The following PSMA5 variants were observed in gnomAD, a reference collection of about 807,000 sequenced individuals.
PSMA5 encodes proteasome subunit alpha type-5.
Under a neutral mutation model 34.5 loss-of-function variants are expected in PSMA5, and 3 were observed. The observed-to-expected ratio is 0.09, with a 90% CI of 0.04 to 0.22. PSMA5 has a LOEUF of 0.22. Among genes scored for constraint, PSMA5 ranks in the 10% least tolerant of loss-of-function variants. The pLI is 1.00. For missense variants in PSMA5, 120 were observed against 286.1 expected (o/e 0.42, Z 4.19); for synonymous variants, 88 against 95.8 (o/e 0.92, Z 0.47).
chr1:109,417,475 G>A (rs547423366), intron 2 of PSMA5, among the ~76,000 whole-genome samples: 49 of 152,266 alleles, frequency 3.2e-4, no homozygotes, highest in African/African-American at 1.1e-3. Context: ...ACAGATTCCC[G>A]GATCCCCTCC....
rs1253350531 is a variant in PSMA5, at chr1:109,426,246, AGGT to A, written c.29+53_29+55del. 5 of 1,603,864 alleles carry A rather than the reference AGGT, an allele frequency of 3.1e-6. No homozygotes were observed. In the African/African-American group the frequency reaches 6.7e-5, roughly 21 times the overall value. ...ACGGCAGAACCCAGGCCGCGCGGCC[AGGT>A]CCCGGGCCTGCCCACCCATAATTCC... On this transcript the variant is annotated intron_variant, in intron 1 of 8. Coordinates refer to ENST00000271308, the MANE Select transcript of PSMA5 (RefSeq NM_002790.4).
intron 2 of PSMA5, among the ~76,000 whole-genome samples, chr1:109,417,301 G>T (rs1054681070): frequency 1.3e-5 from 2 of 152,180 alleles, no homozygotes; most frequent in Non-Finnish European, 2.9e-5. Flanking sequence ...AGATAGGTTA[G>T]TGATACCTGG....
chr1:109,418,612 C>A (rs1260665312), intron 2 of PSMA5, among the ~76,000 whole-genome samples: 1 of 152,074 alleles, frequency 6.6e-6, no homozygotes, highest in African/African-American at 2.4e-5. Context: ...CCTTGCCCAG[C>A]CTAATTTTTT....
At chr1:109,416,219 T>C (rs1247269709) in intron 2 of PSMA5, among the ~76,000 whole-genome samples, 2 of 152,212 alleles carry the variant, frequency 1.3e-5, no homozygotes, top group African/African-American at 2.4e-5. Flanking sequence ...ATAACCTGAC[T>C]GATCTAATAA....
chr1:109,421,850 G>GCTA lies in PSMA5; in HGVS notation c.96+7_96+9dup, dbSNP rs1401791645. ...TGAAATTTCAGGACCTATGCTACTTGCTACTATACCTTGATAGCCTCAATG... is the reference window on the plus strand; with the variant it reads ...TGAAATTTCAGGACCTATGCTACTTGCTACTACTATACCTTGATAGCCTCAATG... On this transcript the variant is annotated intron_variant, in intron 2 of 8. Transcript: ENST00000271308. 1 of 1,554,438 alleles carries GCTA rather than the reference G, an allele frequency of 6.4e-7. No homozygotes were observed. Among genetic ancestry groups the GCTA allele is most frequent in the Non-Finnish European group, 8.6e-7 (1 of 1,156,780 alleles).
intron 7 of PSMA5, among the ~76,000 whole-genome samples, chr1:109,410,438 T>C (rs1221155373): frequency 6.6e-6 from 1 of 152,210 alleles, no homozygotes; most frequent in Non-Finnish European, 1.5e-5. Flanking sequence ...CTTCCACATG[T>C]AAAAGCAATA....
At chr1:109,406,737 G>C (rs1008957168) in intron 8 of PSMA5, among the ~76,000 whole-genome samples, 11 of 152,120 alleles carry the variant, frequency 7.2e-5, no homozygotes, top group African/African-American at 2.7e-4. Flanking sequence ...ACAAAAAGTA[G>C]ATCAATGTGG....
intron 8 of PSMA5, 63 bp from the exon 9 acceptor site, chr1:109,402,153 G>A: frequency 8.2e-7 from 1 of 1,225,490 alleles, no homozygotes; most frequent in Middle Eastern, 1.9e-4. Flanking sequence ...GCCCTACCAT[G>A]GTCAGGAGAA....
intron 7 of PSMA5, among the ~76,000 whole-genome samples, chr1:109,410,533 C>T (rs753653129): frequency 2.0e-5 from 3 of 152,192 alleles, no homozygotes; most frequent in Non-Finnish European, 4.4e-5. Context: ...ATGAGTTACC[C>T]AAAACCAAAT....
intron 8 of PSMA5, among the ~76,000 whole-genome samples, chr1:109,408,346 T>C (rs1653865256): frequency 6.6e-6 from 1 of 152,230 alleles, no homozygotes; most frequent in Non-Finnish European, 1.5e-5. Flanking sequence ...CTGGAATACC[T>C]TTCTGCTCCC....
At position 109,426,339 on chromosome 1, in the gene PSMA5, T is replaced by C. The variant is rs1571037548; in HGVS notation, c.-9A>G. ...GACCGGGTAAGAAACATGGCGAGGGTAGGAGGAGGCAGCGGCTACGCGGGG... is the reference window on the plus strand; with the variant it reads ...GACCGGGTAAGAAACATGGCGAGGGCAGGAGGAGGCAGCGGCTACGCGGGG... On this transcript the variant is annotated 5_prime_UTR_variant, in exon 1 of 9. Coordinates refer to ENST00000271308, the MANE Select transcript of PSMA5 (RefSeq NM_002790.4). The C allele has an allele frequency of 1.9e-6, 3 of 1,601,448 alleles. No individual in the cohort carries two copies. Among genetic ancestry groups the C allele is most frequent in the Middle Eastern group, 1.7e-4 (1 of 6,018 alleles).
rs140060350 is a variant in PSMA5, at chr1:109,408,154, T to A, written c.648+1774A>T. On this transcript the variant is annotated intron_variant, in intron 8 of 8. Transcript: ENST00000271308. ...CATTACTTCCTTTGCTCCTGTCTAC[T>A]CTTAGCATACTAAAAAAGGACATTC... Among the ~76,000 whole-genome samples the A allele has an allele frequency of 3.7e-4, 56 of 152,322 alleles. 1 individual carries two copies. In the East Asian group the frequency reaches 7.7e-3, roughly 21 times the overall value.
chr1:109,421,635 A>C (rs1394482141), intron 2 of PSMA5, among the ~76,000 whole-genome samples: 1 of 152,174 alleles, frequency 6.6e-6, no homozygotes, highest in Non-Finnish European at 1.5e-5. Context: ...CCCACTGAGA[A>C]AAAGCTATTT....
intron 3 of PSMA5, 151 bp downstream of exon 3, chr1:109,415,086 A>C: frequency 1.1e-6 from 1 of 908,294 alleles, no homozygotes; most frequent in South Asian, 2.6e-5. Flanking sequence ...ACAGCCTCCT[A>C]CTCCTACATT....
intron 2 of PSMA5, among the ~76,000 whole-genome samples, chr1:109,416,155 GA>G (rs1436613630): frequency 6.6e-6 from 1 of 152,140 alleles, no homozygotes; most frequent in Non-Finnish European, 1.5e-5. Flanking sequence ...TCCATGCCTA[GA>G]TACTTCAATA....
At chr1:109,423,891 C>T (rs1654543247) in intron 1 of PSMA5, among the ~76,000 whole-genome samples, 3 of 152,214 alleles carry the variant, frequency 2.0e-5, no homozygotes, top group Admixed American at 2.0e-4. Context: ...TATTATTTAA[C>T]AGCACACAGT....
chr1:109,400,553 T>C lies in PSMA5; in HGVS notation c.*1460A>G, dbSNP rs1557836182. ...AACAAATCTCCCCATCAACATGCTA[T>C]ACTTAATAAGTGTTAAAATCACTAG... On this transcript the variant is annotated 3_prime_UTR_variant, in exon 9 of 9. Transcript: ENST00000271308. 1 of 152,378 alleles carries C rather than the reference T, an allele frequency of 6.6e-6. No individual in the cohort carries two copies. Among genetic ancestry groups the C allele is most frequent in the South Asian group, 2.1e-4 (1 of 4,834 alleles). 9.4% of individuals were successfully genotyped at this position (152,378 alleles called of 1,614,324 possible). A position where few individuals can be genotyped will look rare whatever the true frequency, so the allele number is the denominator to read the frequency against.
chr1:109,406,573 C>T (rs1426207733), intron 8 of PSMA5, among the ~76,000 whole-genome samples: 2 of 152,094 alleles, frequency 1.3e-5, no homozygotes, highest in East Asian at 3.8e-4. Flanking sequence ...GTGTGTGCAC[C>T]TGTAGTCCCA....
intron 1 of PSMA5, among the ~76,000 whole-genome samples, chr1:109,424,400 A>G (rs1654566551): frequency 6.6e-6 from 1 of 152,110 alleles, no homozygotes; most frequent in Admixed American, 6.5e-5. Context: ...GCTGGTCTCC[A>G]ACTCCTGAGC....
Sources: allele counts gnomAD v4.1 joint callset (sites outside exome capture counted in the v4.1 genomes callset), GRCh38; gene constraint gnomAD v4.1.1; transcripts MANE v1.5; gene names NCBI Gene and HGNC (gene_info 2026-07-23, HGNC 2026-07-21).